The following SDK1 variants were observed in gnomAD, a reference collection of about 807,000 sequenced individuals.
SDK1 encodes the protein protein sidekick-1.
SDK1 carries 157 observed loss-of-function variants against 245.5 expected under a neutral mutation model. The observed-to-expected ratio is 0.64, with a 90% CI of 0.56 to 0.73. The LOEUF (loss-of-function observed/expected upper bound fraction) is 0.73. Ranked by LOEUF, SDK1 falls within the 30% of genes least tolerant of loss-of-function variation. The pLI is 0.00. For missense variants in SDK1, 3,583 were observed against 3,002.3 expected, an observed-to-expected ratio of 1.19 and a Z score of -4.52; for synonymous variants, 1,647 against 1,278.5, an observed-to-expected ratio of 1.29 and a Z score of -6.15.
intron 1 of SDK1, among the ~76,000 whole-genome samples, chr7:3,482,166 C>G (rs1443040963): frequency 6.6e-6 from 1 of 152,120 alleles, no homozygotes; most frequent in African/African-American, 2.4e-5. Context: ...GTTTTACAGT[C>G]TATTCATCGA....
At chr7:3,799,784 A>T (rs550434133) in intron 4 of SDK1, among the ~76,000 whole-genome samples, 3 of 151,158 alleles carry the variant, frequency 2.0e-5, no homozygotes, top group Non-Finnish European at 4.4e-5. Flanking sequence ...CCCTTGCCTG[A>T]GTTTACTTGC....
intron 2 of SDK1, among the ~76,000 whole-genome samples, chr7:3,622,960 C>G (rs1339778535): frequency 6.6e-6 from 1 of 151,844 alleles, no homozygotes; most frequent in Non-Finnish European, 1.5e-5. Context: ...TCAAATTACT[C>G]TTTCATCTAC....
At chr7:3,422,499 A>C (rs1159617340) in intron 1 of SDK1, among the ~76,000 whole-genome samples, 5 of 152,178 alleles carry the variant, frequency 3.3e-5, no homozygotes, top group African/African-American at 1.2e-4. Flanking sequence ...TCCTTTTGAA[A>C]AATCAAATTA....
chr7:3,392,850 TATTC>T lies in SDK1; in HGVS notation c.298+90974_298+90977del, dbSNP rs576830159. Among the ~76,000 whole-genome samples the T allele has an allele frequency of 2.2e-4, 33 of 152,290 alleles. No individual in the cohort carries two copies. In the East Asian group the frequency reaches 6.2e-3, roughly 28 times the overall value. On this transcript the variant is annotated intron_variant, in intron 1 of 44. Coordinates refer to ENST00000404826, the MANE Select transcript of SDK1 (RefSeq NM_152744.4). ...GTGTATGCGTATATCGCATTTCGTGTATTCATTCATTTGTTGATGGACACTTGGG... is the reference window on the plus strand; with the variant it reads ...GTGTATGCGTATATCGCATTTCGTGTATTCATTTGTTGATGGACACTTGGG...
chr7:3,343,335 A>T (rs1196717449), intron 1 of SDK1, among the ~76,000 whole-genome samples: 1 of 152,242 alleles, frequency 6.6e-6, no homozygotes, highest in Non-Finnish European at 1.5e-5. Flanking sequence ...TTCTCACAAT[A>T]AAAAGGGCCA....
intron 4 of SDK1, among the ~76,000 whole-genome samples, chr7:3,689,862 A>G (rs1784397474): frequency 6.6e-6 from 1 of 152,174 alleles, no homozygotes; most frequent in East Asian, 1.9e-4. Flanking sequence ...TACCTTTTGC[A>G]AAAAACCATG....
intron 1 of SDK1, among the ~76,000 whole-genome samples, chr7:3,391,387 A>G (rs1048152170): frequency 1.3e-5 from 2 of 152,112 alleles, no homozygotes; most frequent in South Asian, 2.1e-4. Context: ...TTCTTCTAGC[A>G]TTGCTGGAAG....
chr7:3,811,012 G>A (rs1186858574), intron 4 of SDK1, among the ~76,000 whole-genome samples: 5 of 152,148 alleles, frequency 3.3e-5, no homozygotes, highest in African/African-American at 1.2e-4. Context: ...ACTCTAGGAA[G>A]TATTTGATAT....
At chr7:3,352,871 A>C (rs1371271155) in intron 1 of SDK1, among the ~76,000 whole-genome samples, 2 of 152,140 alleles carry the variant, frequency 1.3e-5, no homozygotes, top group Non-Finnish European at 1.5e-5. Context: ...TTTTCCGAAG[A>C]GTGGGAATCT....
chr7:4,162,290 G>C (rs1356785360), intron 32 of SDK1, among the ~76,000 whole-genome samples: 1 of 152,090 alleles, frequency 6.6e-6, no homozygotes, highest in African/African-American at 2.4e-5. Context: ...TCTGCAACCA[G>C]ACAAAATATC....
At chr7:4,164,884 A>C (rs1002807885) in intron 32 of SDK1, among the ~76,000 whole-genome samples, 2 of 152,230 alleles carry the variant, frequency 1.3e-5, no homozygotes, top group African/African-American at 2.4e-5. Context: ...TGGTCAATAC[A>C]ACGTCCTGTA....
chr7:3,751,130 C>T (rs552912189), intron 4 of SDK1, among the ~76,000 whole-genome samples: 53 of 152,354 alleles, frequency 3.5e-4, no homozygotes, highest in Non-Finnish European at 6.3e-4. Flanking sequence ...CCTCCAGTCG[C>T]TGTGTGGCTA....
chr7:3,932,184 T>C (rs923215366), intron 5 of SDK1, among the ~76,000 whole-genome samples: 1 of 152,250 alleles, frequency 6.6e-6, no homozygotes, highest in Non-Finnish European at 1.5e-5. Flanking sequence ...AGACTACTTA[T>C]GTTTCTAGCA....
At chr7:4,211,988 G>A (rs898217002) in intron 38 of SDK1, among the ~76,000 whole-genome samples, 17 of 152,148 alleles carry the variant, frequency 1.1e-4, no homozygotes, top group African/African-American at 2.9e-4. Flanking sequence ...CAAAGATTCC[G>A]GTCTGGGAGG....
chr7:3,813,409 A>T (rs866600511), intron 4 of SDK1, among the ~76,000 whole-genome samples: 1 of 142,494 alleles, frequency 7.0e-6, no homozygotes. Flanking sequence ...ATGATTTCCA[A>T]TTTCATCCAT....
chr7:3,475,687 A>C (rs1230291669), intron 1 of SDK1, among the ~76,000 whole-genome samples: 1 of 152,230 alleles, frequency 6.6e-6, no homozygotes, highest in African/African-American at 2.4e-5. Context: ...GAATGGTATT[A>C]AAAGTAAATA....
chr7:3,832,737 C>T (rs577430471), intron 5 of SDK1, among the ~76,000 whole-genome samples: 39 of 152,264 alleles, frequency 2.6e-4, no homozygotes, highest in Admixed American at 1.1e-3. Context: ...GTGAGTTCTT[C>T]GCAATAGTCT....
intron 5 of SDK1, among the ~76,000 whole-genome samples, chr7:3,924,334 C>T (rs1779696292): frequency 6.6e-6 from 1 of 152,088 alleles, no homozygotes; most frequent in African/African-American, 2.4e-5. Flanking sequence ...AGCGCAGCTG[C>T]CCTGATGACT....
chr7:3,417,384 A>C (rs1321915291), intron 1 of SDK1, among the ~76,000 whole-genome samples: 1 of 151,976 alleles, frequency 6.6e-6, no homozygotes, highest in African/African-American at 2.4e-5. Context: ...CTTAGTTCTC[A>C]AGTTTGCCAA....
Sources: gnomAD v4.1 joint callset for allele counts (sites outside exome capture counted in the v4.1 genomes callset) on GRCh38, gnomAD v4.1.1 for gene constraint, MANE v1.5 for transcripts, NCBI Gene and HGNC (gene_info 2026-07-23, HGNC 2026-07-21) for gene names.